BRAF: variants seen among roughly 807,000 people sequenced by gnomAD.
The protein encoded by BRAF is B-Raf proto-oncogene, serine/threonine kinase, also known as serine/threonine-protein kinase B-raf.
In BRAF, 16 loss-of-function variants were observed where a neutral mutation model predicts 104.6. The ratio of observed to expected loss-of-function variants is 0.15; its 90% CI spans 0.10 to 0.23. The LOEUF (loss-of-function observed/expected upper bound fraction) is 0.23. Among genes scored for constraint, BRAF ranks in the 10% least tolerant of loss-of-function variants. BRAF has a pLI of 1.00. For synonymous variants in BRAF, 310 were observed against 341.6 expected, an observed-to-expected ratio of 0.91 and a Z score of 1.02; for missense variants, 541 against 937.3, an observed-to-expected ratio of 0.58 and a Z score of 5.52.
intron 8 of BRAF, among the ~76,000 whole-genome samples, chr7:140,789,570 G>A (rs1801741830): frequency 6.6e-6 from 1 of 152,192 alleles, no homozygotes; most frequent in African/African-American, 2.4e-5. Context: ...AAATCCTAGT[G>A]ATGTCATTAA....
chr7:140,800,122 G>A (rs866882846), intron 7 of BRAF: 1 of 566,974 alleles, frequency 1.8e-6, no homozygotes, highest in African/African-American at 1.9e-5. Flanking sequence ...CTGAAGAGCA[G>A]AAGTCAAATC....
At chr7:140,785,934 A>ATG in intron 9 of BRAF, 1 of 394,762 alleles carries the variant, frequency 2.5e-6, no homozygotes, top group Non-Finnish European at 4.5e-6. Flanking sequence ...CTGGACCAAA[A>ATG]ATCTGCTTAT....
At chr7:140,851,343 A>G (rs1423837310) in intron 1 of BRAF, among the ~76,000 whole-genome samples, 5 of 152,248 alleles carry the variant, frequency 3.3e-5, no homozygotes, top group African/African-American at 1.2e-4. Context: ...TGTATTTAAC[A>G]TAAATATAAC....
At chr7:140,811,389 C>A (rs1804244222) in intron 3 of BRAF, among the ~76,000 whole-genome samples, 1 of 152,056 alleles carries the variant, frequency 6.6e-6, no homozygotes. Flanking sequence ...TGGCCAGAAG[C>A]TGAGGTGGAG....
intron 1 of BRAF, among the ~76,000 whole-genome samples, chr7:140,897,431 A>G (rs931257361): frequency 2.0e-5 from 3 of 152,030 alleles, no homozygotes; most frequent in Non-Finnish European, 4.4e-5. Flanking sequence ...AAAATTTTCA[A>G]TTTATCAGAA....
At chr7:140,833,514 C>G (rs965946025) in intron 3 of BRAF, among the ~76,000 whole-genome samples, 1 of 152,118 alleles carries the variant, frequency 6.6e-6, no homozygotes, top group Non-Finnish European at 1.5e-5. Context: ...GAAAGATATG[C>G]TTAGTAATTC....
chr7:140,826,011 A>G (rs73494517), intron 3 of BRAF, among the ~76,000 whole-genome samples: 12,377 of 152,126 alleles, frequency 0.081, 1,640 homozygotes, highest in African/African-American at 0.28. Flanking sequence ...GAACTCTTTG[A>G]GGCATATAAT....
At chr7:140,765,473 T>G (rs1362725513) in intron 14 of BRAF, among the ~76,000 whole-genome samples, 1 of 152,064 alleles carries the variant, frequency 6.6e-6, no homozygotes. Flanking sequence ...CTAAAGAGCT[T>G]CTGCACAGCA....
intron 14 of BRAF, among the ~76,000 whole-genome samples, chr7:140,773,956 G>A (rs1453220895): frequency 2.0e-5 from 3 of 152,118 alleles, no homozygotes; most frequent in Non-Finnish European, 4.4e-5. Flanking sequence ...CAGTTTTAGT[G>A]GAGTTCCAGG....
chr7:140,781,734 A>C, intron 11 of BRAF, 41 bp from the exon 11 acceptor site: 1 of 1,527,168 alleles, frequency 6.5e-7, no homozygotes, highest in African/African-American at 1.4e-5. Context: ...AGCCAAACAG[A>C]AAAAGAAAAC....
intron 16 of BRAF, among the ~76,000 whole-genome samples, chr7:140,751,069 C>A (rs1329234527): frequency 6.6e-6 from 1 of 152,140 alleles, no homozygotes; most frequent in Non-Finnish European, 1.5e-5. Flanking sequence ...GCAGTATCAA[C>A]CCAGGATTGG....
At chr7:140,745,185 A>G (rs1034202176) in intron 17 of BRAF, among the ~76,000 whole-genome samples, 19 of 152,178 alleles carry the variant, frequency 1.2e-4, no homozygotes, top group African/African-American at 7.2e-5. Context: ...ATATGTATCT[A>G]ATATAGTAGT....
intron 1 of BRAF, among the ~76,000 whole-genome samples, chr7:140,895,250 A>G (rs973591174): frequency 3.3e-5 from 5 of 152,208 alleles, no homozygotes; most frequent in Non-Finnish European, 5.9e-5. Flanking sequence ...ATGTACGAAA[A>G]AAATCTAACA....
chr7:140,868,113 T>G (rs922810318), intron 1 of BRAF, among the ~76,000 whole-genome samples: 3 of 152,186 alleles, frequency 2.0e-5, no homozygotes, highest in African/African-American at 7.2e-5. Flanking sequence ...GTCACAGACA[T>G]GAATGAGCAC....
intron 1 of BRAF, among the ~76,000 whole-genome samples, chr7:140,856,204 G>A (rs1809761048): frequency 6.6e-6 from 1 of 151,462 alleles, no homozygotes; most frequent in Non-Finnish European, 1.5e-5. Context: ...GAAAACTACA[G>A]GACTAGCCTA....
At position 140,726,193 on chromosome 7, in the gene BRAF, T is replaced by A. The variant is rs1250665226; in HGVS notation, c.*301A>T. ...AAGCTGTAGCAGCAGTTTCTTTCCA[T>A]CATGCCTGACCATCAAAAGGTCAGA... On this transcript the variant is annotated 3_prime_UTR_variant, in exon 20 of 20. Coordinates refer to ENST00000644969, the MANE Select transcript of BRAF (RefSeq NM_001374258.1). 1 of 1,211,242 alleles carries A rather than the reference T, an allele frequency of 8.3e-7. No individual in the cohort carries two copies. The highest frequency in any genetic ancestry group is 4.1e-5 in the Admixed American group (1 of 24,134). The allele number at this position is 1,211,242 out of a possible 1,614,324, so 75.0% of individuals were successfully genotyped here. A position where few individuals can be genotyped will look rare whatever the true frequency, so the allele number is the denominator to read the frequency against.
At chr7:140,808,759 A>T (rs1173393971) in intron 4 of BRAF, 133 bp downstream of exon 4, 2 of 727,444 alleles carry the variant, frequency 2.7e-6, no homozygotes, top group Non-Finnish European at 4.8e-6. Flanking sequence ...AGGCTAACTT[A>T]GTATTATTTT....
In BRAF at chr7:140,725,711, A is replaced by C. The variant is rs78068602; in HGVS notation, c.*783T>G. The C allele has an allele frequency of 6.6e-6, 7 of 1,058,092 alleles. No individual in the cohort carries two copies. Among genetic ancestry groups the C allele is most frequent in the Admixed American group, 5.4e-5 (1 of 18,444 alleles). 65.5% of individuals were successfully genotyped at this position (1,058,092 alleles called of 1,614,324 possible). A position where few individuals can be genotyped will look rare whatever the true frequency, so the allele number is the denominator to read the frequency against. On this transcript the variant is annotated 3_prime_UTR_variant, in exon 20 of 20. Coordinates refer to ENST00000644969, the MANE Select transcript of BRAF (RefSeq NM_001374258.1). ...CTACATTGTGGAGGAAAAAAAAAAA[A>C]CCCAAACACTTATCTTCATTGCTGG... is the stretch of plus-strand genomic sequence containing the variant.
chr7:140,742,954 CA>C (rs1776632542), intron 17 of BRAF, among the ~76,000 whole-genome samples: 1 of 151,832 alleles, frequency 6.6e-6, no homozygotes, highest in African/African-American at 2.4e-5. Context: ...TTTATGCAGC[CA>C]AAAAACACAT....
Sources: allele counts gnomAD v4.1 joint callset (sites outside exome capture counted in the v4.1 genomes callset), GRCh38; gene constraint gnomAD v4.1.1; transcripts MANE v1.5; gene names NCBI Gene and HGNC (gene_info 2026-07-23, HGNC 2026-07-21).